The following SOS2 variants were observed in gnomAD, a reference collection of about 807,000 sequenced individuals.
SOS2 encodes the protein son of sevenless homolog 2.
In SOS2, 65 loss-of-function variants were observed where a neutral mutation model predicts 148.2. That is an observed-to-expected ratio of 0.44 (90% CI 0.36 to 0.54). The LOEUF (loss-of-function observed/expected upper bound fraction) is 0.54, where lower values mean the gene tolerates loss of function less well. Among genes scored for constraint, SOS2 ranks in the 20% least tolerant of loss-of-function variants. The pLI, the probability that SOS2 is intolerant of heterozygous loss-of-function variation, is 0.00. For synonymous variants in SOS2, 539 were observed against 537.1 expected, an observed-to-expected ratio of 1.00 and a Z score of -0.05; for missense variants, 1,341 against 1,590.2, an observed-to-expected ratio of 0.84 and a Z score of 2.67.
intron 3 of SOS2, 70 bp downstream of exon 3, chr14:50,200,883 T>C: frequency 6.8e-7 from 1 of 1,465,378 alleles, no homozygotes; most frequent in Non-Finnish European, 9.4e-7. Context: ...ATTAATGCTT[T>C]ATAAATATAG....
chr14:50,179,394 A>T (rs1885655683), intron 7 of SOS2, among the ~76,000 whole-genome samples: 1 of 151,492 alleles, frequency 6.6e-6, no homozygotes, highest in Non-Finnish European at 1.5e-5. Context: ...TTTTATTTTT[A>T]TTTTTTTTGA....
chr14:50,132,337 C>T (rs1883902803), intron 19 of SOS2, among the ~76,000 whole-genome samples: 1 of 117,268 alleles, frequency 8.5e-6, no homozygotes, highest in Non-Finnish European at 1.7e-5. Flanking sequence ...GGCAATATAG[C>T]AAGACTCTAT....
chr14:50,224,310 TATATACAC>T lies in SOS2; in HGVS notation c.87+6879_87+6886del, dbSNP rs1333481771. ...CGTCTCAGGAAAAAAAAAAAATATA[TATATACAC>T]ACACACACACACACACACACACACA... On this transcript the variant is annotated intron_variant, in intron 1 of 22. Coordinates refer to ENST00000216373, the MANE Select transcript of SOS2 (RefSeq NM_006939.4). 2.8e-3 allele frequency among the ~76,000 whole-genome samples: 174 copies of T among 62,010 alleles called. 10 individuals carry two copies. Among genetic ancestry groups the T allele is most frequent in the Admixed American group, 6.5e-3 (26 of 3,976 alleles). 40.7% of individuals were successfully genotyped at this position (62,010 alleles called of 152,430 possible).
chr14:50,216,783 T>C (rs1887051374), intron 1 of SOS2, among the ~76,000 whole-genome samples: 1 of 151,820 alleles, frequency 6.6e-6, no homozygotes, highest in South Asian at 2.1e-4. Flanking sequence ...AAAATAAAAA[T>C]AAAAATACAA....
intron 7 of SOS2, among the ~76,000 whole-genome samples, chr14:50,178,607 G>A (rs2093501277): frequency 6.7e-6 from 1 of 149,748 alleles, no homozygotes; most frequent in South Asian, 2.1e-4. Flanking sequence ...CTCTGCCTCT[G>A]TAGTAGCTAG....
chr14:50,156,951 GTATA>G, intron 12 of SOS2, 44 bp downstream of exon 12: 1 of 844,206 alleles, frequency 1.2e-6, no homozygotes, highest in Non-Finnish European at 1.8e-6. Context: ...GTGTGTGTGT[GTATA>G]TATATGTGTA....
At position 50,118,530 on chromosome 14, in the gene SOS2, C is replaced by T. The variant is rs2227276; in HGVS notation, c.3813G>A (p.Pro1271=). ...TAGAACTGAGCACATAGCATCGACG[C>T]GGTACCCTTGGAGAGGGTGTGCTAG... ...TPPSTPSPRV[P]RRCYVLSSSQ... is the part of the protein sequence containing the mutation. Residue 1271 remains proline (P), a synonymous_variant, in exon 23 of 23, where the codon CCG becomes CCA. Transcript: ENST00000216373. 287,687 of 1,613,632 alleles carry T rather than the reference C, an allele frequency of 0.18. 28,059 individuals carry two copies. The highest frequency in any genetic ancestry group is 0.45 in the East Asian group (20,002 of 44,874).
At chr14:50,139,772 TTA>T (rs2139555695) in intron 17 of SOS2, among the ~76,000 whole-genome samples, 168 bp downstream of exon 17, 1 of 152,306 alleles carries the variant, frequency 6.6e-6, no homozygotes, top group East Asian at 1.9e-4. Context: ...CTATGAGATA[TTA>T]TAGTCTTCAT....
In SOS2 at chr14:50,130,495, A is replaced by G; in HGVS notation, c.3337+6T>C. 2 of 1,602,868 alleles carry G rather than the reference A, an allele frequency of 1.2e-6. No individual in the cohort carries two copies. The highest frequency in any genetic ancestry group is 1.7e-6 in the Non-Finnish European group (2 of 1,170,736). ...TTTTACCAAGCGGTTTACATCAAAT[A>G]CTTACCACAGGAGCTGTTGAGATCC... On this transcript the variant is annotated splice_donor_region_variant and intron_variant, in intron 20 of 22. Coordinates refer to ENST00000216373, the MANE Select transcript of SOS2 (RefSeq NM_006939.4).
chr14:50,215,078 T>G (rs537429126), intron 1 of SOS2, among the ~76,000 whole-genome samples: 2 of 151,876 alleles, frequency 1.3e-5, no homozygotes, highest in South Asian at 2.1e-4. Context: ...CCTCGTGATC[T>G]GCCCGCCTCG....
rs370550495 is a variant in SOS2 at position 50,204,387 on chromosome 14, G to A, written c.110C>T (p.Thr37Ile). 5.7e-6 allele frequency: 9 copies of A among 1,580,574 alleles called. No homozygotes were observed. Among genetic ancestry groups the A allele is most frequent in the Non-Finnish European group, 6.9e-6 (8 of 1,157,046 alleles). The change falls in exon 2 of 23, where the codon ACT (threonine) becomes ATT (isoleucine). Residue 37 changes from threonine to isoleucine, a missense_variant. This residue lies in a region of SOS2 where 574 missense variants were observed against 711.1 expected (regional missense o/e 0.81). Transcript: ENST00000216373. ...GAGAGACTCTTCATTAGCTGAGAGA[G>A]TGGGATGCACTTGTTCCTGAACCTT... ...LRKVQEQVHPTLSANEESLYY... is the reference protein window; with the variant it reads ...LRKVQEQVHPILSANEESLYY...
chr14:50,209,274 C>CGTGTGT (rs140994310), intron 1 of SOS2, among the ~76,000 whole-genome samples: 1,482 of 118,342 alleles, frequency 0.013, 54 homozygotes, highest in South Asian at 0.019. Context: ...CCTTAAATGT[C>CGTGTGT]GTGTGTGTGT....
chr14:50,217,115 TCAATAGAACA>T (rs1184015092), intron 1 of SOS2, among the ~76,000 whole-genome samples: 1 of 151,954 alleles, frequency 6.6e-6, no homozygotes, highest in African/African-American at 2.4e-5. Context: ...AGGAAAACAA[TCAATAGAACA>T]GAATAGAGAA....
chr14:50,137,256 G>A (rs572901349), intron 18 of SOS2, among the ~76,000 whole-genome samples: 90 of 152,082 alleles, frequency 5.9e-4, no homozygotes, highest in Middle Eastern at 3.4e-3. Context: ...AACATCAATC[G>A]ACAGGATGTT....
At chr14:50,165,728 AT>A (rs1323705612) in intron 8 of SOS2, among the ~76,000 whole-genome samples, 1 of 152,232 alleles carries the variant, frequency 6.6e-6, no homozygotes, top group Non-Finnish European at 1.5e-5. Context: ...ACTGGAATAA[AT>A]GACTACTGTA....
chr14:50,209,808 C>A (rs759659642), intron 1 of SOS2, among the ~76,000 whole-genome samples: 7 of 151,828 alleles, frequency 4.6e-5, no homozygotes, highest in Non-Finnish European at 1.0e-4. Flanking sequence ...TACCGTGTAC[C>A]TTGAGTACCT....
intron 1 of SOS2, among the ~76,000 whole-genome samples, chr14:50,217,990 AC>A (rs1470434943): frequency 6.7e-6 from 1 of 148,308 alleles, no homozygotes; most frequent in African/African-American, 2.5e-5. Context: ...AACAAAAAAA[AC>A]TTTTGGTCTC....
Position 50,197,689 on chromosome 14 carries a change from C to CTTTTTTTTTTTTT in SOS2, c.510+1989_510+2001dup, listed in dbSNP as rs35121759. Among the ~76,000 whole-genome samples the CTTTTTTTTTTTTT allele has an allele frequency of 1.6e-5, 2 of 125,852 alleles. 1 individual carries two copies. 82.6% of individuals were successfully genotyped at this position (125,852 alleles called of 152,430 possible). On this transcript the variant is annotated intron_variant, in intron 4 of 22. Coordinates refer to ENST00000216373, the MANE Select transcript of SOS2 (RefSeq NM_006939.4). ...TCTTGAATAAAGTCAGCTTTACCAC[C>CTTTTTTTTTTTTT]TTTTTTTTTTTTTTTTTTTGAAACA...
rs561002292 is a variant in SOS2, at chr14:50,190,162, C to T, written c.511-1462G>A. On this transcript the variant is annotated intron_variant, in intron 4 of 22. Transcript: ENST00000216373. ...GCCACTGCGCCTGGCTGTGACCATACATTTTATAATTAATAATACTTTTTT... is the reference window on the plus strand; with the variant it reads ...GCCACTGCGCCTGGCTGTGACCATATATTTTATAATTAATAATACTTTTTT... Among the ~76,000 whole-genome samples the T allele has an allele frequency of 1.1e-4, 16 of 151,934 alleles. No individual in the cohort carries two copies. The South Asian group carries it at 2.9e-3, about 28-fold the overall frequency.
Sources: gnomAD v4.1 joint callset for allele counts (sites outside exome capture counted in the v4.1 genomes callset) on GRCh38, gnomAD v4.1.1 for gene constraint, gnomAD v4.1.1 regional missense constraint, MANE v1.5 for transcripts, NCBI Gene and HGNC (gene_info 2026-07-23, HGNC 2026-07-21) for gene names.